Variants in KCNK17 observed in about 807,000 individuals in gnomAD.
The protein encoded by KCNK17 is potassium two pore domain channel subfamily K member 17.
A neutral mutation model predicts 24.6 loss-of-function variants in KCNK17; 27 were observed. The observed-to-expected ratio is 1.10, with a 90% CI of 0.81 to 1.51. The LOEUF (loss-of-function observed/expected upper bound fraction) is 1.51. Among genes scored for constraint, KCNK17 ranks in the 40% most tolerant of loss-of-function variants. The pLI is 0.00. For synonymous variants in KCNK17, 181 were observed against 189.8 expected (o/e 0.95, Z 0.38); for missense variants, 450 against 436.6 (o/e 1.03, Z -0.27).
At chr6:39,300,980 G>A (rs1562080120) in intron 4 of KCNK17, among the ~76,000 whole-genome samples, 1 of 152,150 alleles carries the variant, frequency 6.6e-6, no homozygotes, top group Non-Finnish European at 1.5e-5. Context: ...GAGACAGTAA[G>A]AGTCCTCCTC....
chr6:39,310,845 C>T (rs13206209), intron 2 of KCNK17, 48 bp downstream of exon 2: 3 of 1,288,874 alleles, frequency 2.3e-6, no homozygotes, highest in Non-Finnish European at 3.2e-6. Flanking sequence ...TCTCAGGGAG[C>T]TGCCTCCTTC....
In KCNK17 at chr6:39,299,591, G is replaced by A. The variant is rs1159121331; in HGVS notation, c.835C>T (p.His279Tyr). 6 of 1,614,040 alleles carry A rather than the reference G, an allele frequency of 3.7e-6. No homozygotes were observed. The South Asian group carries it at 4.4e-5, about 12-fold the overall frequency. The change falls in exon 5 of 5, where the codon CAC becomes TAC. Residue 279 changes from histidine (H) to tyrosine (Y), a missense_variant. Transcript: ENST00000373231. ...GACTTGAAGTCTTCCTTAGAGCTGTGGTGGCAGCAGGAACATACCCTCCCT... is the reference window on the plus strand; with the variant it reads ...GACTTGAAGTCTTCCTTAGAGCTGTAGTGGCAGCAGGAACATACCCTCCCT... ...TPGRVCSCCH[H>Y]SSKEDFKSQS...
intron 1 of KCNK17, among the ~76,000 whole-genome samples, 166 bp downstream of exon 1, chr6:39,313,918 C>A (rs1040811211): frequency 1.3e-5 from 2 of 152,212 alleles, no homozygotes; most frequent in East Asian, 1.9e-4. Context: ...CTGGTCCCCG[C>A]GCAGGAACGC....
chr6:39,300,271 T>TGCCGCCACGCCC, intron 4 of KCNK17: 1 of 563,174 alleles, frequency 1.8e-6, no homozygotes, highest in East Asian at 3.2e-5. Flanking sequence ...TACAGGCGCC[T>TGCCGCCACGCCC]GCCGCCACGC....
chr6:39,300,241 GC>G, intron 4 of KCNK17: 1 of 531,056 alleles, frequency 1.9e-6, no homozygotes, highest in Non-Finnish European at 3.4e-6. Context: ...TCCTGCCTCA[GC>G]CTCCCGAGTA....
chr6:39,307,198 G>C (rs563891945), intron 2 of KCNK17, among the ~76,000 whole-genome samples: 6 of 152,182 alleles, frequency 3.9e-5, no homozygotes, highest in Non-Finnish European at 8.8e-5. Flanking sequence ...GATGAAATGA[G>C]GAATGGAGGT....
intron 4 of KCNK17, chr6:39,300,279 C>T (rs1440857306): frequency 2.4e-5 from 14 of 578,360 alleles, no homozygotes; most frequent in African/African-American, 3.8e-5. Context: ...CCTGCCGCCA[C>T]GCCCGGCTAT....
intron 2 of KCNK17, among the ~76,000 whole-genome samples, chr6:39,309,340 AAAT>A (rs1762091931): frequency 6.6e-6 from 1 of 152,208 alleles, no homozygotes; most frequent in Non-Finnish European, 1.5e-5. Context: ...GAAAGAAAGA[AAAT>A]AATAAGACCT....
chr6:39,299,118 C>A lies in KCNK17; in HGVS notation c.*309G>T. Reference sequence around the variant, plus strand: ...CCAGACTCTTCCTATCTTATTGTGCCGCTCAAACATTGCCGCTACTTCATG... The same window carrying A: ...CCAGACTCTTCCTATCTTATTGTGCAGCTCAAACATTGCCGCTACTTCATG... On this transcript the variant is annotated 3_prime_UTR_variant, in exon 5 of 5. Transcript: ENST00000373231. 1 of 371,236 alleles carries A rather than the reference C, an allele frequency of 2.7e-6. No individual in the cohort carries two copies. Among genetic ancestry groups the A allele is most frequent in the South Asian group, 3.9e-5 (1 of 25,834 alleles). The allele number at this position is 371,236 out of a possible 1,614,324, so 23.0% of individuals were successfully genotyped here. A position where few individuals can be genotyped will look rare whatever the true frequency, so the allele number is the denominator to read the frequency against.
chr6:39,304,115 C>A lies in KCNK17; in HGVS notation c.530G>T (p.Arg177Leu), dbSNP rs372743457. Residue 177 changes from arginine to leucine, a missense_variant, in exon 4 of 5, where the codon CGG (arginine) becomes CTG (leucine). Arg to Leu is a moderately radical substitution (Grantham distance 102). Coordinates refer to ENST00000373231, the MANE Select transcript of KCNK17 (RefSeq NM_031460.4). ...GGTWQDPDKA[R>L]WLAGSGALLS... is the part of the protein sequence containing the mutation. ...GAGGGCGCCAGAGCCCGCCAGCCACCGCGCCTTGTCAGGATCCTGTGGGTG... is the reference window on the plus strand; with the variant it reads ...GAGGGCGCCAGAGCCCGCCAGCCACAGCGCCTTGTCAGGATCCTGTGGGTG... 6 of 1,609,246 alleles carry A rather than the reference C, an allele frequency of 3.7e-6. No individual in the cohort carries two copies. Among genetic ancestry groups the A allele is most frequent in the East Asian group, 2.2e-5 (1 of 44,872 alleles).
At chr6:39,313,858 C>T (rs1255345929) in intron 1 of KCNK17, among the ~76,000 whole-genome samples, 2 of 152,226 alleles carry the variant, frequency 1.3e-5, no homozygotes, top group Non-Finnish European at 2.9e-5. Flanking sequence ...CGGCTTCTCG[C>T]AGTCCTCTCG....
intron 2 of KCNK17, among the ~76,000 whole-genome samples, chr6:39,304,866 C>A (rs761406948): frequency 8.5e-5 from 13 of 152,246 alleles, no homozygotes; most frequent in Non-Finnish European, 1.9e-4. Context: ...CTCGAAACCA[C>A]CCTTCCAAAT....
chr6:39,313,943 C>T, intron 1 of KCNK17, 141 bp downstream of exon 1: 1 of 632,524 alleles, frequency 1.6e-6, no homozygotes, highest in Non-Finnish European at 2.5e-6. Context: ...CCCCGTTGTG[C>T]CCGCGTCTGC....
rs370276507 is a variant in KCNK17 at position 39,300,466 on chromosome 6, C to T, written c.689-729G>A. On this transcript the variant is annotated intron_variant, in intron 4 of 4. Transcript: ENST00000373231. ...CAAGCCCCCAGAGGATTTCGATGTC[C>T]GCTCTAGTGTTTGCCAGTCTCTGTT... 223 of 1,548,696 alleles carry T rather than the reference C, an allele frequency of 1.4e-4. 1 individual carries two copies. Among genetic ancestry groups the T allele is most frequent in the Admixed American group, 1.3e-3 (68 of 50,972 alleles).
Position 39,314,299 on chromosome 6 carries a change from C to G in KCNK17, c.22G>C (p.Ala8Pro). The G allele has an allele frequency of 6.8e-7, 1 of 1,461,788 alleles. No homozygotes were observed. The highest frequency in any genetic ancestry group is 9.0e-7 in the Non-Finnish European group (1 of 1,110,688). 90.6% of individuals were successfully genotyped at this position (1,461,788 alleles called of 1,614,324 possible). A position where few individuals can be genotyped will look rare whatever the true frequency, so the allele number is the denominator to read the frequency against. Residue 8 changes from alanine (A) to proline (P), a missense_variant, in exon 1 of 5, where the codon GCG (alanine) becomes CCG (proline). Coordinates refer to ENST00000373231, the MANE Select transcript of KCNK17 (RefSeq NM_031460.4). Reference protein sequence around the residue: MYRPRARAAPEGRVRGCA... With the variant: MYRPRARPAPEGRVRGCA... ...CCCCGGACCCTGCCCTCGGGAGCCG[C>G]CCGGGCTCGCGGTCGGTACATAGCG...
intron 2 of KCNK17, among the ~76,000 whole-genome samples, chr6:39,306,586 T>C (rs1053994782): frequency 6.6e-6 from 1 of 152,144 alleles, no homozygotes; most frequent in Admixed American, 6.5e-5. Context: ...TCGTCTGTAC[T>C]ATATTGAAAC....
Position 39,300,487 on chromosome 6 carries a change from CTGTT to C in KCNK17, c.689-754_689-751del, listed in dbSNP as rs113548251. 45 of 1,551,222 alleles carry C rather than the reference CTGTT, an allele frequency of 2.9e-5. 2 individuals are homozygous for C. The highest frequency in any genetic ancestry group is 2.3e-4 in the African/African-American group (17 of 73,132). On this transcript the variant is annotated intron_variant, in intron 4 of 4. Transcript: ENST00000373231. Reference sequence around the variant, plus strand: ...TGTCCGCTCTAGTGTTTGCCAGTCTCTGTTTGGTTTTCTCGTATCTGAAATGAGG... The same window carrying C: ...TGTCCGCTCTAGTGTTTGCCAGTCTCTGGTTTTCTCGTATCTGAAATGAGG...
intron 2 of KCNK17, among the ~76,000 whole-genome samples, chr6:39,307,310 G>C (rs1307979306): frequency 6.6e-6 from 1 of 152,132 alleles, no homozygotes; most frequent in Non-Finnish European, 1.5e-5. Flanking sequence ...ACTGGCTTCT[G>C]GTCTGAGGAC....
intron 2 of KCNK17, among the ~76,000 whole-genome samples, chr6:39,307,887 C>T (rs1375579748): frequency 6.6e-6 from 1 of 152,232 alleles, no homozygotes; most frequent in Non-Finnish European, 1.5e-5. Context: ...CTCCTTACTG[C>T]TCCCCAAACA....
Sources: gnomAD v4.1 joint callset for allele counts (sites outside exome capture counted in the v4.1 genomes callset) on GRCh38, gnomAD v4.1.1 for gene constraint, MANE v1.5 for transcripts, NCBI Gene and HGNC (gene_info 2026-07-23, HGNC 2026-07-21) for gene names.